Variants in CSTF3 observed in about 807,000 individuals in gnomAD.
CSTF3 encodes the protein CF-1 77 kDa subunit.
CSTF3 carries 29 observed loss-of-function variants against 105.8 expected under a neutral mutation model. The observed-to-expected ratio is 0.27, with a 90% CI of 0.20 to 0.37. The LOEUF is 0.37. Among genes scored for constraint, CSTF3 ranks in the 10% least tolerant of loss-of-function variants. The pLI is 1.00. For synonymous variants in CSTF3, 252 were observed against 281.9 expected (o/e 0.89, Z 1.06); for missense variants, 357 against 879.3 (o/e 0.41, Z 7.51).
chr11:33,086,894 C>T lies in CSTF3; in HGVS notation c.1795+94G>A, dbSNP rs182860705. The T allele has an allele frequency of 1.9e-5, 26 of 1,379,282 alleles. No individual in the cohort carries two copies. The East Asian group carries it at 5.9e-4, about 32-fold the overall frequency. 85.4% of individuals were successfully genotyped at this position (1,379,282 alleles called of 1,614,324 possible). A position where few individuals can be genotyped will look rare whatever the true frequency, so the allele number is the denominator to read the frequency against. ...GATCCTAAGTCTAATAATTAACCCACAATTGAGAGGCCATGTCACTTTACC... is the reference window on the plus strand; with the variant it reads ...GATCCTAAGTCTAATAATTAACCCATAATTGAGAGGCCATGTCACTTTACC... On this transcript the variant is annotated intron_variant, in intron 18 of 20. Transcript: ENST00000323959.
chr11:33,145,884 G>T (rs1440522779), intron 1 of CSTF3, among the ~76,000 whole-genome samples: 2 of 152,004 alleles, frequency 1.3e-5, no homozygotes, highest in Admixed American at 6.6e-5. Flanking sequence ...TAATTAAATT[G>T]CACTGGTGAG....
At chr11:33,158,389 T>C (rs181853531) in intron 1 of CSTF3, among the ~76,000 whole-genome samples, 3 of 152,224 alleles carry the variant, frequency 2.0e-5, no homozygotes, top group East Asian at 3.9e-4. Flanking sequence ...ACTTAATCTT[T>C]AGGAAGAAAA....
chr11:33,105,504 C>A (rs948291820), intron 8 of CSTF3, 63 bp downstream of exon 8: 3 of 1,443,064 alleles, frequency 2.1e-6, no homozygotes, highest in South Asian at 2.6e-5. Context: ...ATCTACAAAT[C>A]CACAATGCAT....
In CSTF3 at chr11:33,161,354, G is replaced by A. The variant is rs777907641; in HGVS notation, c.-29C>T. 1.2e-6 allele frequency: 2 copies of A among 1,611,426 alleles called. No homozygotes were observed. The highest frequency in any genetic ancestry group is 1.1e-5 in the South Asian group (1 of 91,072). On this transcript the variant is annotated 5_prime_UTR_variant, in exon 1 of 21. Transcript: ENST00000323959. ...CTCAGCTGATTACAACGTGCGCACT[G>A]ACCGTCGATGGGAAGCTAGAAAAGA...
intron 1 of CSTF3, among the ~76,000 whole-genome samples, chr11:33,158,172 CATGTTTGAA>C (rs1849889833): frequency 6.6e-6 from 1 of 152,218 alleles, no homozygotes; most frequent in Admixed American, 6.5e-5. Context: ...GTTTTTCTTA[CATGTTTGAA>C]ATGTATTATT....
chr11:33,097,580 G>A (rs544728010), intron 13 of CSTF3, among the ~76,000 whole-genome samples: 36 of 152,252 alleles, frequency 2.4e-4, no homozygotes, highest in African/African-American at 8.2e-4. Flanking sequence ...TTTTAGCCAG[G>A]CTGGTCTCAA....
intron 3 of CSTF3, among the ~76,000 whole-genome samples, chr11:33,133,007 C>A (rs1303802403): frequency 1.3e-5 from 2 of 151,608 alleles, no homozygotes; most frequent in Non-Finnish European, 2.9e-5. Context: ...GTTTTCTTCC[C>A]CATATGATTT....
chr11:33,088,805 G>T (rs1323200186), intron 17 of CSTF3, among the ~76,000 whole-genome samples: 5 of 151,746 alleles, frequency 3.3e-5, no homozygotes, highest in Admixed American at 1.3e-4. Context: ...TTTTGGTAGA[G>T]ATGGGATTTC....
At chr11:33,125,065 G>A (rs1041039943) in intron 3 of CSTF3, among the ~76,000 whole-genome samples, 2 of 152,144 alleles carry the variant, frequency 1.3e-5, no homozygotes, top group Non-Finnish European at 2.9e-5. Context: ...AATCATTCTG[G>A]AAATTTCAGT....
chr11:33,116,506 AAAC>A (rs1157296252), intron 3 of CSTF3, among the ~76,000 whole-genome samples: 3 of 152,184 alleles, frequency 2.0e-5, no homozygotes, highest in Non-Finnish European at 2.9e-5. Context: ...CAAGTCAATG[AAAC>A]AACATGAGTT....
intron 3 of CSTF3, among the ~76,000 whole-genome samples, chr11:33,136,750 T>A (rs1855657575): frequency 6.6e-6 from 1 of 151,942 alleles, no homozygotes; most frequent in Non-Finnish European, 1.5e-5. Flanking sequence ...TACATGTTTG[T>A]GTTGATTCAT....
At chr11:33,144,490 G>A (rs1855754431) in intron 1 of CSTF3, among the ~76,000 whole-genome samples, 1 of 152,120 alleles carries the variant, frequency 6.6e-6, no homozygotes, top group African/African-American at 2.4e-5. Context: ...AATAAAGGTG[G>A]CATGTTCAAA....
chr11:33,140,166 C>A lies in CSTF3; in HGVS notation c.225+1501G>T, dbSNP rs753857798. Among the ~76,000 whole-genome samples, 81 of 152,144 alleles carry A rather than the reference C, an allele frequency of 5.3e-4. No homozygotes were observed. In the Middle Eastern group the frequency reaches 0.01, roughly 19 times the overall value. ...AGTCTAATGTGTTTCTAAAGCCAGA[C>A]TAGAATGCAGATCAGGTGCAGGTGA... On this transcript the variant is annotated intron_variant, in intron 3 of 20. Transcript: ENST00000323959.
At chr11:33,094,589 T>G (rs1326488895) in intron 15 of CSTF3, among the ~76,000 whole-genome samples, 3 of 152,140 alleles carry the variant, frequency 2.0e-5, no homozygotes, top group Non-Finnish European at 2.9e-5. Context: ...TAGTAACTAT[T>G]TTAAAAAAAA....
rs190842129 is a variant in CSTF3, at chr11:33,085,644, T to G, written c.1951+69A>C. 23 of 1,368,510 alleles carry G rather than the reference T, an allele frequency of 1.7e-5. No individual in the cohort carries two copies. In the Admixed American group the frequency reaches 2.6e-4, roughly 16 times the overall value. The allele number at this position is 1,368,510 out of a possible 1,614,324, so 84.8% of individuals were successfully genotyped here. A position where few individuals can be genotyped will look rare whatever the true frequency, so the allele number is the denominator to read the frequency against. The stretch of plus-strand genomic sequence containing the variant: ...TTTCGAAAACTTCAGTGGCAGAGAA[T>G]AATAATCTCTACTGCCTATGAGACA... On this transcript the variant is annotated intron_variant, in intron 20 of 20. Transcript: ENST00000323959.
chr11:33,151,232 C>T (rs555263813), intron 1 of CSTF3, among the ~76,000 whole-genome samples: 21 of 152,082 alleles, frequency 1.4e-4, no homozygotes, highest in African/African-American at 5.1e-4. Flanking sequence ...ACTCTGTCAC[C>T]CAGGCTCGAA....
chr11:33,159,674 G>A (rs556588411), intron 1 of CSTF3, among the ~76,000 whole-genome samples: 91 of 151,722 alleles, frequency 6.0e-4, no homozygotes, highest in African/African-American at 2.1e-3. Flanking sequence ...GGAGGAGGCT[G>A]AGGTGGCAGG....
intron 15 of CSTF3, among the ~76,000 whole-genome samples, chr11:33,095,397 A>G (rs1001004771): frequency 5.3e-5 from 8 of 152,230 alleles, no homozygotes; most frequent in Non-Finnish European, 1.2e-4. Flanking sequence ...TTTTTTGTTA[A>G]GAAATTACAT....
At chr11:33,132,927 T>C (rs1256012039) in intron 3 of CSTF3, among the ~76,000 whole-genome samples, 1 of 152,018 alleles carries the variant, frequency 6.6e-6, no homozygotes, top group Non-Finnish European at 1.5e-5. Context: ...TCCTATATCA[T>C]ACAGTTTATA....
Sources: allele counts gnomAD v4.1 joint callset (sites outside exome capture counted in the v4.1 genomes callset), GRCh38; gene constraint gnomAD v4.1.1; transcripts MANE v1.5; gene names NCBI Gene and HGNC (gene_info 2026-07-23, HGNC 2026-07-21).